LRRC56: variants seen among roughly 807,000 people sequenced by gnomAD.
LRRC56 encodes the protein leucine rich repeat containing 56, also known as leucine-rich repeat-containing protein 56.
A neutral mutation model predicts 47.8 loss-of-function variants in LRRC56; 41 were observed. The observed-to-expected ratio is 0.86, with a 90% CI of 0.67 to 1.11. The LOEUF (loss-of-function observed/expected upper bound fraction) is 1.11, where lower values mean the gene tolerates loss of function less well. Ranked by LOEUF, LRRC56 falls within the 50% of genes most tolerant of loss-of-function variation. LRRC56 has a pLI of 0.00. For missense variants in LRRC56, 759 were observed against 704.2 expected, an observed-to-expected ratio of 1.08 and a Z score of -0.88; for synonymous variants, 387 against 311.2, an observed-to-expected ratio of 1.24 and a Z score of -2.56.
At chr11:507,231 G>A in the LRRC56 span, 1 of 152,378 alleles carries the variant, frequency 6.6e-6, no homozygotes, top group Non-Finnish European at 1.5e-5. Context: ...AGTCAGCGGC[G>A]CGGGCGTGTT....
At chr11:515,277 A>T in the LRRC56 span, among the ~76,000 whole-genome samples, 1 of 151,546 alleles carries the variant, frequency 6.6e-6, no homozygotes, top group Non-Finnish European at 1.5e-5. Flanking sequence ...GCACCCCATG[A>T]CTCCTGGGAG....
rs1852348461 is a variant in LRRC56, at chr11:550,900, T to C, written c.625-231T>C. 3.9e-5 allele frequency among the ~76,000 whole-genome samples: 6 copies of C among 152,154 alleles called. No homozygotes were observed. The South Asian group carries it at 1.2e-3, about 32-fold the overall frequency. ...CCAGAGGGCATCCCTGGACCCGGCC[T>C]TGGGTCTGGAGAGTGGGGTCCTACA... is the stretch of plus-strand genomic sequence containing the variant. On this transcript the variant is annotated intron_variant, in intron 8 of 13. Coordinates refer to ENST00000270115, the MANE Select transcript of LRRC56 (RefSeq NM_198075.4).
chr11:552,237 G>T lies in LRRC56; in HGVS notation c.1181+5G>T. On this transcript the variant is annotated splice_donor_5th_base_variant and intron_variant, in intron 12 of 13. Transcript: ENST00000270115. Reference sequence around the variant, plus strand: ...CTGGAGGGAACATGGCGTGCGGTGGGTGTCCCTCCAGCTCTTCCACTGGGT... The same window carrying T: ...CTGGAGGGAACATGGCGTGCGGTGGTTGTCCCTCCAGCTCTTCCACTGGGT... The T allele has an allele frequency of 6.2e-7, 1 of 1,607,364 alleles. No homozygotes were observed. Among genetic ancestry groups the T allele is most frequent in the Non-Finnish European group, 8.5e-7 (1 of 1,176,054 alleles).
the LRRC56 span, among the ~76,000 whole-genome samples, chr11:526,878 A>G: frequency 6.6e-6 from 1 of 152,156 alleles, no homozygotes; most frequent in East Asian, 1.9e-4. Context: ...CGGAGGTTGC[A>G]GTGAGCCAAG....
At chr11:509,497 G>C in the LRRC56 span, among the ~76,000 whole-genome samples, 3 of 152,106 alleles carry the variant, frequency 2.0e-5, no homozygotes, top group African/African-American at 7.2e-5. Flanking sequence ...GTCTGTGGCC[G>C]GGCCTCCCTC....
At position 551,816 on chromosome 11, in the gene LRRC56, G is replaced by T. The variant is rs148429612; in HGVS notation, c.962G>T (p.Ser321Ile). The stretch of plus-strand genomic sequence containing the variant: ...CTGGCCCCAGAAGATAACACCAGCA[G>T]CCTCACCCATGGTAACTGACTTGCC... ...EDLAPEDNTSSLTHGAGQVLC... is the reference protein window; with the variant it reads ...EDLAPEDNTSILTHGAGQVLC... The change falls in exon 10 of 14, where the codon AGC becomes ATC. Residue 321 changes from serine to isoleucine, a missense_variant. Coordinates refer to ENST00000270115, the MANE Select transcript of LRRC56 (RefSeq NM_198075.4). 2.5e-6 allele frequency: 4 copies of T among 1,607,450 alleles called. No individual in the cohort carries two copies. Among genetic ancestry groups the T allele is most frequent in the Non-Finnish European group, 3.4e-6 (4 of 1,176,428 alleles).
At chr11:528,142 T>A in the LRRC56 span, among the ~76,000 whole-genome samples, 1 of 152,194 alleles carries the variant, frequency 6.6e-6, no homozygotes. Context: ...GGCCTGAAAC[T>A]CTACATTTTT....
upstream of LRRC56, chr11:536,831 T>A (rs935973492): frequency 1.3e-5 from 2 of 152,244 alleles, no homozygotes; most frequent in Non-Finnish European, 2.9e-5. Flanking sequence ...CGCCTCGCCC[T>A]CCTGCGCCGG....
rs1273124824 is a variant in LRRC56, at chr11:541,915, G to A, written c.265+291G>A. On this transcript the variant is annotated intron_variant, in intron 5 of 13. Transcript: ENST00000270115. The surrounding 1 kb of genome is among the most constrained non-coding windows in gnomAD (Gnocchi z 4.1). ...ACACCCACGCCAGTACCCCCGGCAC[G>A]CTCAGTACCCCACACACCCACGCCA... Among the ~76,000 whole-genome samples the A allele has an allele frequency of 3.0e-5, 2 of 67,760 alleles. No individual in the cohort carries two copies. The highest frequency in any genetic ancestry group is 6.6e-5 in the African/African-American group (1 of 15,228). 44.5% of individuals were successfully genotyped at this position (67,760 alleles called of 152,430 possible).
the LRRC56 span, among the ~76,000 whole-genome samples, chr11:512,413 T>A: frequency 6.6e-6 from 1 of 152,094 alleles, no homozygotes; most frequent in Non-Finnish European, 1.5e-5. Flanking sequence ...TTTTGTATTT[T>A]TAGTAGAGAT....
Position 553,993 on chromosome 11 carries a change from TCC to T in LRRC56, c.1348_1349del (p.Pro450PhefsTer41), listed in dbSNP as rs1463658602. ...TCCGGGACCTCGAGCCAGCACCTGG[TCC>T]CTTCACCTCCCAAGCACCCAAGGCC... On this transcript the variant is annotated frameshift_variant, in exon 14 of 14. Transcript: ENST00000270115. LOFTEE classifies it low-confidence loss of function (END_TRUNC). 1 of 1,612,176 alleles carries T rather than the reference TCC, an allele frequency of 6.2e-7. No individual in the cohort carries two copies. The highest frequency in any genetic ancestry group is 8.5e-7 in the Non-Finnish European group (1 of 1,179,708).
chr11:533,326 C>T, upstream of LRRC56: 1 of 1,604,132 alleles, frequency 6.2e-7, no homozygotes, highest in Non-Finnish European at 8.5e-7. Context: ...CCCAGAGGGT[C>T]CCGGAGCTGG....
chr11:517,261 G>A, the LRRC56 span, among the ~76,000 whole-genome samples: 8 of 152,098 alleles, frequency 5.3e-5, no homozygotes, highest in South Asian at 8.3e-4. Flanking sequence ...GCCTCTGCCC[G>A]GCCGCCACCC....
chr11:554,107 C>T lies in LRRC56; in HGVS notation c.1460C>T (p.Pro487Leu). Residue 487 changes from proline to leucine, a missense_variant, in exon 14 of 14, where the codon CCT becomes CTT. Coordinates refer to ENST00000270115, the MANE Select transcript of LRRC56 (RefSeq NM_198075.4). ...RRLRVLGSWG[P>L]GLGDGVAAVP... ...CTCCGAGTCCTGGGCAGCTGGGGGC[C>T]TGGCCTGGGTGATGGGGTGGCTGCA... The T allele has an allele frequency of 6.2e-7, 1 of 1,606,492 alleles. No homozygotes were observed. The highest frequency in any genetic ancestry group is 1.3e-5 in the African/African-American group (1 of 74,998).
At chr11:512,014 G>A in the LRRC56 span, among the ~76,000 whole-genome samples, 1 of 152,104 alleles carries the variant, frequency 6.6e-6, no homozygotes, top group Non-Finnish European at 1.5e-5. Flanking sequence ...CGTGATCTCG[G>A]CTCACTGCAA....
At chr11:534,632 C>A (rs113508276), upstream of LRRC56, 1,498 of 484,216 alleles carry the variant, frequency 3.1e-3, 5 homozygotes, top group Non-Finnish European at 4.6e-3. Flanking sequence ...GACAGCTGAG[C>A]GCTCTCAACC....
At chr11:535,741 G>C (rs936900345), upstream of LRRC56, among the ~76,000 whole-genome samples, 1 of 152,114 alleles carries the variant, frequency 6.6e-6, no homozygotes, top group African/African-American at 2.4e-5. Flanking sequence ...CAGTAGGGCC[G>C]CGGCCTCTCG....
chr11:509,675 G>A, the LRRC56 span, among the ~76,000 whole-genome samples: 2 of 151,246 alleles, frequency 1.3e-5, no homozygotes, highest in African/African-American at 2.4e-5. Flanking sequence ...AGCCTCCCGA[G>A]TAGCTGGGAC....
At chr11:538,191 G>A (rs920685073) in intron 1 of LRRC56, among the ~76,000 whole-genome samples, 1 of 152,184 alleles carries the variant, frequency 6.6e-6, no homozygotes, top group African/African-American at 2.4e-5. Flanking sequence ...TGCACCCCCA[G>A]GCCTTGGGGC....
Sources: gnomAD v4.1 joint callset for allele counts (sites outside exome capture counted in the v4.1 genomes callset) on GRCh38, gnomAD v4.1.1 for gene constraint, Gnocchi (gnomAD v3.1) non-coding constraint, MANE v1.5 for transcripts, NCBI Gene and HGNC (gene_info 2026-07-23, HGNC 2026-07-21) for gene names.